Variants in FANCC observed in about 807,000 individuals in gnomAD.
The protein encoded by FANCC is Fanconi anemia group C protein.
In FANCC, 55 loss-of-function variants were observed where a neutral mutation model predicts 71.3. That is an observed-to-expected ratio of 0.77 (90% CI 0.62 to 0.97). The LOEUF is 0.97. FANCC is among the 50% of genes least tolerant of loss of function. The pLI, the probability that FANCC is intolerant of heterozygous loss-of-function variation, is 0.00. For missense variants in FANCC, 678 were observed against 670.9 expected, an observed-to-expected ratio of 1.01 and a Z score of -0.12; for synonymous variants, 275 against 244.9, an observed-to-expected ratio of 1.12 and a Z score of -1.15.
intron 1 of FANCC, chr9:95,317,116 C>T (rs1835798616): frequency 1.3e-5 from 2 of 152,394 alleles, no homozygotes; most frequent in Non-Finnish European, 2.9e-5. Context: ...GAGTCCGAGG[C>T]AGAGAAATTC....
intron 4 of FANCC, among the ~76,000 whole-genome samples, chr9:95,192,116 G>A (rs1195140177): frequency 2.0e-5 from 3 of 152,184 alleles, no homozygotes; most frequent in Admixed American, 6.5e-5. Flanking sequence ...ACAATGGGAG[G>A]AACACCTTGG....
chr9:95,115,775 T>C (rs911042852), intron 11 of FANCC, among the ~76,000 whole-genome samples: 59 of 152,366 alleles, frequency 3.9e-4, no homozygotes, highest in African/African-American at 1.4e-3. Flanking sequence ...GCACAGCCTT[T>C]TGAAGGTATT....
chr9:95,310,019 T>C (rs2136412316), intron 1 of FANCC, among the ~76,000 whole-genome samples: 1 of 152,154 alleles, frequency 6.6e-6, no homozygotes, highest in South Asian at 2.1e-4. Flanking sequence ...AAGATCTAAA[T>C]ATTTAGTAAG....
intron 10 of FANCC, among the ~76,000 whole-genome samples, chr9:95,118,016 G>A (rs2072566454): frequency 6.6e-6 from 1 of 151,288 alleles, no homozygotes; most frequent in African/African-American, 2.4e-5. Flanking sequence ...ACCATGCCCG[G>A]CTTGTTTTTG....
chr9:95,183,730 G>A lies in FANCC; in HGVS notation c.346-11583C>T, dbSNP rs74666831. On this transcript the variant is annotated intron_variant, in intron 4 of 14. Transcript: ENST00000289081. ...TGCCACTCAGCTTGCAGTAACCTTC[G>A]GGTGCTGGGATTAGAACATCCAGGA... is the stretch of plus-strand genomic sequence containing the variant. 8.9e-3 allele frequency among the ~76,000 whole-genome samples: 1,359 copies of A among 152,234 alleles called. 23 individuals are homozygous for A. The highest frequency in any genetic ancestry group is 0.031 in the African/African-American group (1,284 of 41,524).
intron 4 of FANCC, among the ~76,000 whole-genome samples, chr9:95,189,233 T>A (rs529865730): frequency 6.6e-6 from 1 of 152,188 alleles, no homozygotes; most frequent in South Asian, 2.1e-4. Flanking sequence ...CCCATTGCAG[T>A]TTAAGTGAAA....
At chr9:95,123,835 T>A in intron 10 of FANCC, 1 of 657,510 alleles carries the variant, frequency 1.5e-6, no homozygotes, top group Non-Finnish European at 2.9e-6. Flanking sequence ...GACCTGCGGA[T>A]GCTGCCCCAC....
intron 7 of FANCC, among the ~76,000 whole-genome samples, chr9:95,138,511 G>A (rs762327794): frequency 2.6e-5 from 4 of 152,228 alleles, no homozygotes; most frequent in Non-Finnish European, 4.4e-5. Flanking sequence ...GAATAGGAGA[G>A]TTCGCCTCTC....
At chr9:95,104,121 C>T (rs532932269) in intron 14 of FANCC, among the ~76,000 whole-genome samples, 58 of 152,290 alleles carry the variant, frequency 3.8e-4, no homozygotes, top group Non-Finnish European at 7.1e-4. Context: ...AAGGTGCTGT[C>T]GGCAGAGGAA....
chr9:95,275,485 T>C (rs772049800), intron 1 of FANCC, among the ~76,000 whole-genome samples: 1 of 151,982 alleles, frequency 6.6e-6, no homozygotes, highest in Non-Finnish European at 1.5e-5. Flanking sequence ...TAATGTTAAC[T>C]ATGGACTTCA....
intron 6 of FANCC, among the ~76,000 whole-genome samples, chr9:95,166,819 G>A (rs561436879): frequency 6.6e-6 from 1 of 152,166 alleles, no homozygotes; most frequent in East Asian, 1.9e-4. Flanking sequence ...AATCCTCTCT[G>A]GATACTGAGG....
chr9:95,297,502 G>A (rs1484314666), intron 1 of FANCC, among the ~76,000 whole-genome samples: 1 of 152,168 alleles, frequency 6.6e-6, no homozygotes, highest in Non-Finnish European at 1.5e-5. Context: ...CTGTTGGCAT[G>A]TCTGGGCAAC....
intron 6 of FANCC, among the ~76,000 whole-genome samples, chr9:95,159,769 T>G (rs1830644441): frequency 6.6e-6 from 1 of 152,240 alleles, no homozygotes; most frequent in African/African-American, 2.4e-5. Flanking sequence ...TGATTTGCAT[T>G]TCTCTCATGA....
chr9:95,137,357 G>A (rs1227720493), intron 7 of FANCC, among the ~76,000 whole-genome samples: 1 of 152,148 alleles, frequency 6.6e-6, no homozygotes, highest in Non-Finnish European at 1.5e-5. Context: ...CTGCGGAGGA[G>A]CTGGCAGAAG....
Position 95,171,091 on chromosome 9 carries a change from T to C in FANCC, c.509A>G (p.Asn170Ser), listed in dbSNP as rs749322338. The change falls in exon 6 of 15, where the codon AAC (asparagine) becomes AGC (serine). Residue 170 changes from asparagine to serine, a missense_variant. Coordinates refer to ENST00000289081, the MANE Select transcript of FANCC (RefSeq NM_000136.3). ...GTTTAACACCTACCGCCTTTGAGTG[T>C]TAAATCCATTAAGATGATTCTCTCT... Reference protein sequence around the residue: ...ELRENHLNGFNTQRRMAPERV... With the variant: ...ELRENHLNGFSTQRRMAPERV... The C allele has an allele frequency of 4.3e-6, 7 of 1,613,158 alleles. No individual in the cohort carries two copies. Among genetic ancestry groups the C allele is most frequent in the Middle Eastern group, 1.7e-4 (1 of 6,050 alleles).
intron 4 of FANCC, among the ~76,000 whole-genome samples, chr9:95,230,671 T>C (rs1179154748): frequency 6.6e-6 from 1 of 152,152 alleles, no homozygotes; most frequent in Admixed American, 6.5e-5. Context: ...ATAAAGGTAG[T>C]GCGGACCCAA....
intron 1 of FANCC, among the ~76,000 whole-genome samples, chr9:95,253,676 A>G (rs34532504): frequency 0.39 from 58,625 of 151,702 alleles, 11,908 homozygotes; most frequent in East Asian, 0.58. Flanking sequence ...TTTTATTCCC[A>G]TAGGTTTTGG....
intron 11 of FANCC, among the ~76,000 whole-genome samples, chr9:95,116,121 T>G (rs1478542308): frequency 1.3e-5 from 2 of 152,260 alleles, no homozygotes; most frequent in African/African-American, 4.8e-5. Context: ...GTTGGGCCCA[T>G]GCCCATGCAC....
intron 4 of FANCC, among the ~76,000 whole-genome samples, chr9:95,200,669 G>A (rs1383612460): frequency 6.6e-6 from 1 of 152,146 alleles, no homozygotes; most frequent in Non-Finnish European, 1.5e-5. Context: ...GTTGTTGTGA[G>A]AATTAAATGA....
Sources: allele counts gnomAD v4.1 joint callset (sites outside exome capture counted in the v4.1 genomes callset), GRCh38; gene constraint gnomAD v4.1.1; transcripts MANE v1.5; gene names NCBI Gene and HGNC (gene_info 2026-07-23, HGNC 2026-07-21).